AGPS: variants seen among roughly 807,000 people sequenced by gnomAD.
AGPS encodes alkylglycerone phosphate synthase, also known as alkyldihydroxyacetonephosphate synthase, peroxisomal.
AGPS carries 26 observed loss-of-function variants against 90.7 expected under a neutral mutation model. That is an observed-to-expected ratio of 0.29 (90% CI 0.21 to 0.40). The LOEUF is 0.40. Among genes scored for constraint, AGPS ranks in the 10% least tolerant of loss-of-function variants. AGPS has a pLI of 1.00. For synonymous variants in AGPS, 294 were observed against 285.3 expected, an observed-to-expected ratio of 1.03 and a Z score of -0.31; for missense variants, 540 against 816.1, an observed-to-expected ratio of 0.66 and a Z score of 4.12.
Position 177,475,734 on chromosome 2 carries a change from T to C in AGPS, c.1106-6325T>C, listed in dbSNP as rs571382420. Among the ~76,000 whole-genome samples the C allele has an allele frequency of 5.3e-5, 8 of 152,330 alleles. No individual in the cohort carries two copies. In the East Asian group the frequency reaches 1.2e-3, roughly 22 times the overall value. ...GATTGTTTCCACATTTTGGCTGTTA[T>C]GAATTGTGCTGCATTAAACATTTAT... is the stretch of plus-strand genomic sequence containing the variant. On this transcript the variant is annotated intron_variant, in intron 10 of 19. Transcript: ENST00000264167.
At chr2:177,447,494 C>T (rs187178422) in intron 8 of AGPS, among the ~76,000 whole-genome samples, 1 of 152,050 alleles carries the variant, frequency 6.6e-6, no homozygotes, top group East Asian at 1.9e-4. Flanking sequence ...TTAAATGAGG[C>T]ATTATCAGCA....
In AGPS at chr2:177,462,275, C is replaced by T. The variant is rs536250370; in HGVS notation, c.996+257C>T. Among the ~76,000 whole-genome samples the T allele has an allele frequency of 4.5e-3, 675 of 151,580 alleles. 6 individuals carry two copies. Among genetic ancestry groups the T allele is most frequent in the African/African-American group, 0.016 (645 of 41,348 alleles). ...GGGTGTGGTGGCGGGCTCCTGTAGT[C>T]CCAGCTACTCGGGAGGCTGAGGCAG... On this transcript the variant is annotated intron_variant, in intron 9 of 19. Transcript: ENST00000264167.
At chr2:177,426,349 T>C (rs1253674800) in intron 2 of AGPS, among the ~76,000 whole-genome samples, 1 of 152,198 alleles carries the variant, frequency 6.6e-6, no homozygotes, top group Non-Finnish European at 1.5e-5. Flanking sequence ...CAGAAACAGT[T>C]TGACTTCCTC....
chr2:177,467,988 T>G (rs1364583570), intron 9 of AGPS, among the ~76,000 whole-genome samples: 3 of 152,094 alleles, frequency 2.0e-5, no homozygotes, highest in Non-Finnish European at 4.4e-5. Flanking sequence ...AAGGTGGGGA[T>G]AAAGGGAGAA....
intron 2 of AGPS, among the ~76,000 whole-genome samples, chr2:177,432,303 T>G (rs1686266542): frequency 6.6e-6 from 1 of 152,248 alleles, no homozygotes; most frequent in Non-Finnish European, 1.5e-5. Flanking sequence ...AAAAGCCATT[T>G]AATATTCTCA....
chr2:177,434,234 G>A, intron 2 of AGPS, 93 bp from the exon 3 acceptor site: 1 of 854,060 alleles, frequency 1.2e-6, no homozygotes, highest in Non-Finnish European at 1.9e-6. Context: ...TGGTTTGATA[G>A]TAGCTGCTTG....
At chr2:177,474,474 C>CAAGACACA (rs1687719461) in intron 10 of AGPS, among the ~76,000 whole-genome samples, 1 of 152,246 alleles carries the variant, frequency 6.6e-6, no homozygotes, top group Non-Finnish European at 1.5e-5. Context: ...TCCCCCTGCA[C>CAAGACACA]AAGACACACA....
Position 177,509,884 on chromosome 2 carries a change from T to C in AGPS, c.1607+1853T>C, listed in dbSNP as rs1437346139. 2.6e-5 allele frequency among the ~76,000 whole-genome samples: 4 copies of C among 152,310 alleles called. No homozygotes were observed. The East Asian group carries it at 7.7e-4, about 29-fold the overall frequency. ...AGACATTTTAACGGAGCTTGTTTTT[T>C]TCCACAGGACTAGTCTACGCAACAG... On this transcript the variant is annotated intron_variant, in intron 16 of 19. Coordinates refer to ENST00000264167, the MANE Select transcript of AGPS (RefSeq NM_003659.4).
chr2:177,458,901 A>C (rs1396374375), intron 8 of AGPS, among the ~76,000 whole-genome samples: 1 of 152,246 alleles, frequency 6.6e-6, no homozygotes, highest in Admixed American at 6.5e-5. Context: ...AGCTGGAGGC[A>C]TCATGCTACC....
At position 177,434,435 on chromosome 2, in the gene AGPS, A is replaced by G. The variant is rs752115173; in HGVS notation, c.441+18A>G. The G allele has an allele frequency of 2.1e-5, 32 of 1,547,050 alleles. No homozygotes were observed. Among genetic ancestry groups the G allele is most frequent in the Admixed American group, 1.7e-4 (10 of 59,668 alleles). ...CCTCTAAAGTAAGCAAACAAAAATTATTACTAACTCATTTAACTGTGTTTT... is the reference window on the plus strand; with the variant it reads ...CCTCTAAAGTAAGCAAACAAAAATTGTTACTAACTCATTTAACTGTGTTTT... On this transcript the variant is annotated intron_variant, in intron 3 of 19. Transcript: ENST00000264167.
intron 19 of AGPS, among the ~76,000 whole-genome samples, chr2:177,527,528 A>G (rs970479271): frequency 2.6e-5 from 4 of 152,124 alleles, no homozygotes; most frequent in African/African-American, 9.7e-5. Context: ...TTTCCTCATC[A>G]TAGATATTTT....
intron 5 of AGPS, among the ~76,000 whole-genome samples, chr2:177,440,474 G>C (rs1686568401): frequency 6.6e-6 from 1 of 152,044 alleles, no homozygotes; most frequent in African/African-American, 2.4e-5. Context: ...TGAAATAACT[G>C]ACCATTGTTC....
Position 177,482,198 on chromosome 2 carries a change from AAT to A in AGPS, c.1233+24_1233+25del, listed in dbSNP as rs200546003. 455 of 1,383,220 alleles carry A rather than the reference AAT, an allele frequency of 3.3e-4. No homozygotes were observed. Among genetic ancestry groups the A allele is most frequent in the East Asian group, 5.6e-4 (21 of 37,358 alleles). 85.7% of individuals were successfully genotyped at this position (1,383,220 alleles called of 1,614,324 possible). A position where few individuals can be genotyped will look rare whatever the true frequency, so the allele number is the denominator to read the frequency against. On this transcript the variant is annotated intron_variant, in intron 11 of 19. Coordinates refer to ENST00000264167, the MANE Select transcript of AGPS (RefSeq NM_003659.4). Reference sequence around the variant, plus strand: ...AAATTGCAAAACAGGTAAAAGAAAAAATATATATATATACATACATACATATA... The same window carrying A: ...AAATTGCAAAACAGGTAAAAGAAAAAATATATATATACATACATACATATA...
Position 177,392,875 on chromosome 2 carries a change from C to T in AGPS, c.86C>T (p.Pro29Leu). 3 of 1,551,774 alleles carry T rather than the reference C, an allele frequency of 1.9e-6. No homozygotes were observed. Among genetic ancestry groups the T allele is most frequent in the Non-Finnish European group, 2.6e-6 (3 of 1,149,776 alleles). The change falls in exon 1 of 20, where the codon CCG (proline) becomes CTG (leucine). Residue 29 changes from proline (P) to leucine (L), a missense_variant. Pro to Leu is a moderately conservative substitution (Grantham distance 98). This residue lies in a region of AGPS where 135 missense variants were observed against 124.0 expected (regional missense o/e 1.09). Coordinates refer to ENST00000264167, the MANE Select transcript of AGPS (RefSeq NM_003659.4). ...TCTGCAGCGGACCGGGACCGGGACC[C>T]GGACCCGGACCGCGCCGGGCGGAGG... is the stretch of plus-strand genomic sequence containing the variant. ...YGSAADRDRD[P>L]DPDRAGRRLR...
chr2:177,522,743 C>T (rs918403736), intron 18 of AGPS, among the ~76,000 whole-genome samples: 12 of 152,104 alleles, frequency 7.9e-5, no homozygotes, highest in Non-Finnish European at 1.6e-4. Flanking sequence ...CGTGAGCTAC[C>T]GCACACAGCC....
In AGPS at chr2:177,478,106, A is replaced by G. The variant is rs531955724; in HGVS notation, c.1106-3953A>G. Among the ~76,000 whole-genome samples the G allele has an allele frequency of 4.7e-4, 71 of 152,316 alleles. 1 individual carries two copies. The highest frequency in any genetic ancestry group is 1.7e-3 in the African/African-American group (70 of 41,570). ...ATTTTGTTTTCATTTTCGAAAGATA[A>G]CTGCTGGATGTAGGATTGCTGGTTG... On this transcript the variant is annotated intron_variant, in intron 10 of 19. Transcript: ENST00000264167.
At chr2:177,422,484 C>T (rs932747038) in intron 2 of AGPS, among the ~76,000 whole-genome samples, 1 of 152,094 alleles carries the variant, frequency 6.6e-6, no homozygotes, top group African/African-American at 2.4e-5. Flanking sequence ...ACTCCTAAGT[C>T]AGAGTCCAGT....
intron 1 of AGPS, among the ~76,000 whole-genome samples, chr2:177,409,454 T>C (rs543936373): frequency 1.3e-5 from 2 of 151,910 alleles, no homozygotes; most frequent in African/African-American, 4.8e-5. Flanking sequence ...CTTTACTATC[T>C]GATTGGTTGG....
At chr2:177,404,999 A>C (rs1195706521) in intron 1 of AGPS, among the ~76,000 whole-genome samples, 1 of 152,208 alleles carries the variant, frequency 6.6e-6, no homozygotes. Context: ...AATTTATTCT[A>C]AGAGTACAGG....
Sources: gnomAD v4.1 joint callset for allele counts (sites outside exome capture counted in the v4.1 genomes callset) on GRCh38, gnomAD v4.1.1 for gene constraint, gnomAD v4.1.1 regional missense constraint, MANE v1.5 for transcripts, NCBI Gene and HGNC (gene_info 2026-07-23, HGNC 2026-07-21) for gene names.